The following TMEM62 variants were observed in gnomAD, a reference collection of about 807,000 sequenced individuals.
TMEM62 encodes transmembrane protein 62.
TMEM62 carries 41 observed loss-of-function variants against 70.4 expected under a neutral mutation model. The ratio of observed to expected loss-of-function variants is 0.58; its 90% confidence interval spans 0.45 to 0.76. TMEM62 has a LOEUF of 0.76. Among genes scored for constraint, TMEM62 ranks in the 30% least tolerant of loss-of-function variants. TMEM62 has a pLI of 0.00. For missense variants in TMEM62, 688 were observed against 788.5 expected (o/e 0.87, Z 1.53); for synonymous variants, 268 against 291.0 (o/e 0.92, Z 0.80).
At position 43,177,749 on chromosome 15, in the gene TMEM62, C is replaced by CA. The variant is rs1037909114; in HGVS notation, c.1382-852dup. Among the ~76,000 whole-genome samples the CA allele has an allele frequency of 7.3e-5, 11 of 151,424 alleles. 1 individual carries two copies. Among genetic ancestry groups the CA allele is most frequent in the African/African-American group, 2.4e-4 (10 of 41,042 alleles). On this transcript the variant is annotated intron_variant, in intron 11 of 13. Coordinates refer to ENST00000260403, the MANE Select transcript of TMEM62 (RefSeq NM_024956.4). ...CATTCTCAGTAAACTATCGCAAGGACAAAAAACCAAACACCGTATGTTCTC... is the reference window on the plus strand; with the variant it reads ...CATTCTCAGTAAACTATCGCAAGGACAAAAAAACCAAACACCGTATGTTCTC...
At chr15:43,176,969 A>C (rs989121785) in intron 11 of TMEM62, among the ~76,000 whole-genome samples, 13 of 152,226 alleles carry the variant, frequency 8.5e-5, no homozygotes, top group African/African-American at 3.1e-4. Flanking sequence ...TAACTAGAAT[A>C]ACCAATACAG....
intron 10 of TMEM62, among the ~76,000 whole-genome samples, chr15:43,166,066 C>T (rs2039378322): frequency 6.6e-6 from 1 of 152,210 alleles, no homozygotes; most frequent in East Asian, 1.9e-4. Context: ...CTTGAGGAGG[C>T]TTTCCAGGTA....
Position 43,146,520 on chromosome 15 carries a change from C to T in TMEM62, c.504C>T (p.Gly168=). ...YRKYSAVRRD[G]SFHYVHSTPF... is the part of the protein sequence containing the mutation. Reference sequence around the variant, plus strand: ...AATATTCTGCTGTACGTAGAGATGGCTCTTTCCATTATGTCCACAGTACTC... The same window carrying T: ...AATATTCTGCTGTACGTAGAGATGGTTCTTTCCATTATGTCCACAGTACTC... The change falls in exon 5 of 14, where the codon GGC becomes GGT. Residue 168 remains glycine (G), a synonymous_variant. Transcript: ENST00000260403. 6.2e-7 allele frequency: 1 copy of T among 1,613,198 alleles called. No individual in the cohort carries two copies. The highest frequency in any genetic ancestry group is 8.5e-7 in the Non-Finnish European group (1 of 1,179,598).
intron 7 of TMEM62, among the ~76,000 whole-genome samples, chr15:43,150,474 C>G (rs1441535630): frequency 6.6e-6 from 1 of 152,126 alleles, no homozygotes; most frequent in African/African-American, 2.4e-5. Context: ...GATAAAAGGA[C>G]CTAAACTTTA....
chr15:43,134,229 C>A (rs1487670288), intron 1 of TMEM62, 28 bp from the exon 2 acceptor site: 1 of 1,605,658 alleles, frequency 6.2e-7, no homozygotes, highest in Non-Finnish European at 8.5e-7. Context: ...TGGCTCAGAT[C>A]TCTCTGTTCA....
intron 11 of TMEM62, among the ~76,000 whole-genome samples, chr15:43,177,739 A>T (rs560352359): frequency 6.6e-6 from 1 of 152,190 alleles, no homozygotes; most frequent in Admixed American, 6.5e-5. Flanking sequence ...TCAGTAAACT[A>T]TCGCAAGGAC....
intron 12 of TMEM62, among the ~76,000 whole-genome samples, chr15:43,179,573 A>G (rs190889830): frequency 5.1e-4 from 78 of 152,336 alleles, no homozygotes; most frequent in Admixed American, 1.8e-3. Flanking sequence ...CTCAGAATGC[A>G]TCCTCATGGT....
chr15:43,183,110 C>T (rs965296718), intron 13 of TMEM62, among the ~76,000 whole-genome samples: 1 of 152,216 alleles, frequency 6.6e-6, no homozygotes, highest in African/African-American at 2.4e-5. Flanking sequence ...CCACCATTCA[C>T]CTGATTTCTC....
rs939853861 is a variant in TMEM62 at position 43,168,472 on chromosome 15, G to C, written c.1297-1121G>C. Among the ~76,000 whole-genome samples the C allele has an allele frequency of 3.9e-5, 6 of 152,260 alleles. No homozygotes were observed. The East Asian group carries it at 9.7e-4, about 25-fold the overall frequency. The stretch of plus-strand genomic sequence containing the variant: ...GGACATGGTCTTTCTCTTCAACACA[G>C]CAGGTTTTCTTCTGGCCCAGGCTGA... On this transcript the variant is annotated intron_variant, in intron 10 of 13. Transcript: ENST00000260403.
At chr15:43,160,026 T>C (rs1449686596) in intron 9 of TMEM62, among the ~76,000 whole-genome samples, 2 of 152,126 alleles carry the variant, frequency 1.3e-5, no homozygotes, top group Non-Finnish European at 2.9e-5. Flanking sequence ...TGGAGTGCAG[T>C]GGCGTGATCT....
intron 10 of TMEM62, among the ~76,000 whole-genome samples, chr15:43,169,347 G>C (rs1251002612): frequency 1.3e-5 from 2 of 152,134 alleles, no homozygotes; most frequent in Non-Finnish European, 2.9e-5. Context: ...TATCACTCTA[G>C]AGCTGTTTTA....
chr15:43,172,876 A>G (rs1453933287), intron 11 of TMEM62, among the ~76,000 whole-genome samples: 2 of 152,196 alleles, frequency 1.3e-5, no homozygotes, highest in African/African-American at 4.8e-5. Flanking sequence ...TTTACCTTAA[A>G]AATCTAGTCA....
chr15:43,161,068 T>C (rs1567212431), intron 10 of TMEM62, among the ~76,000 whole-genome samples: 1 of 152,166 alleles, frequency 6.6e-6, no homozygotes, highest in Non-Finnish European at 1.5e-5. Context: ...CATAGGTATG[T>C]ATTTATAGGA....
chr15:43,167,077 G>A (rs1482615019), intron 10 of TMEM62, among the ~76,000 whole-genome samples: 3 of 151,984 alleles, frequency 2.0e-5, no homozygotes, highest in South Asian at 2.1e-4. Flanking sequence ...GGTGGTGGCC[G>A]GGCAGAGGGG....
intron 12 of TMEM62, chr15:43,180,012 A>G (rs563732341): frequency 1.3e-5 from 2 of 152,374 alleles, no homozygotes; most frequent in South Asian, 4.1e-4. Flanking sequence ...ATCTGAAGAC[A>G]AAACACCTTT....
Position 43,146,616 on chromosome 15 carries a change from CT to C in TMEM62, c.603del (p.Phe201LeufsTer4). On this transcript the variant is annotated frameshift_variant, in exon 5 of 14. Transcript: ENST00000260403. LOFTEE classifies it high-confidence loss of function. ...NPGPKRPYNF[F>X]GILDKKKMEE... ...CAGGGCCTAAGAGACCCTATAATTT[CT>C]TTGGAATTTTAGATAAGGTGCAGTA... The C allele has an allele frequency of 6.2e-7, 1 of 1,605,428 alleles. No homozygotes were observed. Among genetic ancestry groups the C allele is most frequent in the Non-Finnish European group, 8.5e-7 (1 of 1,177,646 alleles).
chr15:43,153,746 T>TG (rs140238407), intron 8 of TMEM62, among the ~76,000 whole-genome samples: 5,632 of 152,274 alleles, frequency 0.037, 347 homozygotes, highest in African/African-American at 0.12. Context: ...ATGTGTTCAA[T>TG]GGACACTTGG....
chr15:43,171,614 CTTT>C (rs751979920), intron 11 of TMEM62, among the ~76,000 whole-genome samples: 3 of 114,998 alleles, frequency 2.6e-5, no homozygotes, highest in African/African-American at 1.0e-4. Flanking sequence ...TTAATAAAAA[CTTT>C]TTTTTTTTTT....
rs978188636 is a variant in TMEM62 at position 43,184,881 on chromosome 15, G to A, written c.*295G>A. On this transcript the variant is annotated 3_prime_UTR_variant, in exon 14 of 14. Coordinates refer to ENST00000260403, the MANE Select transcript of TMEM62 (RefSeq NM_024956.4). ...CTAGGACATCCACAGGGTAGAGGTT[G>A]GGTGTGTGTACGGGAGTGTCTGAGG... 4.2e-5 allele frequency: 19 copies of A among 450,054 alleles called. No homozygotes were observed. Among genetic ancestry groups the A allele is most frequent in the Middle Eastern group, 5.8e-4 (1 of 1,712 alleles). The allele number at this position is 450,054 out of a possible 1,614,324, so 27.9% of individuals were successfully genotyped here.
Sources: gnomAD v4.1 joint callset for allele counts (sites outside exome capture counted in the v4.1 genomes callset) on GRCh38, gnomAD v4.1.1 for gene constraint, MANE v1.5 for transcripts, NCBI Gene and HGNC (gene_info 2026-07-23, HGNC 2026-07-21) for gene names.